Variants in GRM8 observed in about 807,000 individuals in gnomAD.
GRM8 encodes metabotropic glutamate receptor 8.
In GRM8, 47 loss-of-function variants were observed where a neutral mutation model predicts 87.2. That is an observed-to-expected ratio of 0.54 (90% CI 0.43 to 0.69). The LOEUF (loss-of-function observed/expected upper bound fraction) is 0.69. Ranked by LOEUF, GRM8 falls within the 30% of genes least tolerant of loss-of-function variation. GRM8 has a pLI of 0.00. For missense variants in GRM8, 1,019 were observed against 1,139.2 expected (o/e 0.89, Z 1.52); for synonymous variants, 396 against 404.5 (o/e 0.98, Z 0.25).
At chr7:126,833,845 C>T (rs1024652328) in intron 6 of GRM8, among the ~76,000 whole-genome samples, 1 of 152,144 alleles carries the variant, frequency 6.6e-6, no homozygotes, top group Non-Finnish European at 1.5e-5. Context: ...AGTAAAAATG[C>T]AGATTACTAA....
At chr7:127,204,477 T>TGATAAACA (rs2116582686) in intron 2 of GRM8, among the ~76,000 whole-genome samples, 1 of 152,252 alleles carries the variant, frequency 6.6e-6, no homozygotes, top group South Asian at 2.1e-4. Flanking sequence ...GTTCAGAGGG[T>TGATAAACA]GATAAACAGA....
intron 3 of GRM8, among the ~76,000 whole-genome samples, chr7:127,036,837 T>C (rs1267010897): frequency 1.3e-5 from 2 of 152,170 alleles, no homozygotes; most frequent in Non-Finnish European, 2.9e-5. Flanking sequence ...CCTACGGCAT[T>C]TTCAACTAAC....
intron 3 of GRM8, among the ~76,000 whole-genome samples, chr7:126,948,539 C>T (rs951895905): frequency 1.3e-5 from 2 of 151,068 alleles, no homozygotes; most frequent in Non-Finnish European, 2.9e-5. Context: ...GATGAAGGAG[C>T]CACTAAAAGA....
chr7:127,074,839 AT>A (rs1822096044), intron 3 of GRM8, among the ~76,000 whole-genome samples: 1 of 152,114 alleles, frequency 6.6e-6, no homozygotes, highest in African/African-American at 2.4e-5. Flanking sequence ...GGATAGTTGG[AT>A]TCACTGACAG....
chr7:126,995,783 G>A (rs1813124047), intron 3 of GRM8, among the ~76,000 whole-genome samples: 1 of 152,062 alleles, frequency 6.6e-6, no homozygotes, highest in African/African-American at 2.4e-5. Context: ...AGAAAGAGAT[G>A]AGGGTAGCAA....
rs749854945 is a variant in GRM8 at position 127,106,506 on chromosome 7, C to T, written c.717G>A (p.Ser239=). ...ESGVEAFTQI[S]REIGGVCIAQ... is the part of the protein sequence containing the mutation. The stretch of plus-strand genomic sequence containing the variant: ...TAAATATATGCTTACCAATCTCCCT[C>T]GAGATCTGGGTGAAGGCCTCCACAC... Residue 239 remains serine, a synonymous_variant, in exon 3 of 11, where the codon TCG becomes TCA. Transcript: ENST00000339582. 6.2e-6 allele frequency: 10 copies of T among 1,612,522 alleles called. No homozygotes were observed. Among genetic ancestry groups the T allele is most frequent in the East Asian group, 4.5e-5 (2 of 44,872 alleles).
At chr7:126,819,946 G>A (rs1004559178) in intron 6 of GRM8, among the ~76,000 whole-genome samples, 31 of 152,018 alleles carry the variant, frequency 2.0e-4, no homozygotes, top group African/African-American at 7.5e-4. Flanking sequence ...AATTTTATAG[G>A]TACACTGTCT....
chr7:126,621,356 T>C (rs1800153704), intron 7 of GRM8, among the ~76,000 whole-genome samples: 1 of 152,174 alleles, frequency 6.6e-6, no homozygotes, highest in Non-Finnish European at 1.5e-5. Flanking sequence ...TACTCAACAC[T>C]CAACATCCTG....
chr7:126,772,538 G>C (rs1818958557), intron 6 of GRM8, among the ~76,000 whole-genome samples: 2 of 152,056 alleles, frequency 1.3e-5, no homozygotes, highest in Admixed American at 1.3e-4. Context: ...AGATTCTGGT[G>C]CAACCAGCTG....
chr7:126,441,794 T>C (rs1462808627), intron 10 of GRM8, among the ~76,000 whole-genome samples: 1 of 65,548 alleles, frequency 1.5e-5, no homozygotes, highest in Non-Finnish European at 3.3e-5. Flanking sequence ...TTAACTCAGA[T>C]AGCCCTAAGA....
chr7:126,860,700 G>T (rs1586226044), intron 6 of GRM8, among the ~76,000 whole-genome samples: 2 of 152,114 alleles, frequency 1.3e-5, no homozygotes, highest in Admixed American at 1.3e-4. Context: ...TATGGAAACT[G>T]CAAGCATAAT....
At chr7:127,150,252 T>C (rs1003545706) in intron 2 of GRM8, among the ~76,000 whole-genome samples, 3 of 152,010 alleles carry the variant, frequency 2.0e-5, no homozygotes, top group Non-Finnish European at 4.4e-5. Flanking sequence ...AAATTCTGCC[T>C]CCTGGAAAAC....
intron 7 of GRM8, among the ~76,000 whole-genome samples, chr7:126,734,676 C>T (rs921263055): frequency 1.3e-5 from 2 of 151,748 alleles, no homozygotes; most frequent in African/African-American, 4.8e-5. Flanking sequence ...ATTAAAATGA[C>T]ATCATGAAAA....
At position 127,202,526 on chromosome 7, in the gene GRM8, T is replaced by C. The variant is rs140252409; in HGVS notation, c.510+40169A>G. On this transcript the variant is annotated intron_variant, in intron 2 of 10. Coordinates refer to ENST00000339582, the MANE Select transcript of GRM8 (RefSeq NM_000845.3). ...CTACGTATTTACAAATAAATATTGC[T>C]AATAGCTACCATCTATTGAATACCT... Among the ~76,000 whole-genome samples the C allele has an allele frequency of 4.9e-4, 75 of 152,372 alleles. 1 individual carries two copies. Among genetic ancestry groups the C allele is most frequent in the African/African-American group, 1.7e-3 (70 of 41,590 alleles).
intron 7 of GRM8, among the ~76,000 whole-genome samples, chr7:126,761,817 C>T (rs1300509274): frequency 6.6e-6 from 1 of 152,220 alleles, no homozygotes; most frequent in African/African-American, 2.4e-5. Context: ...ACTGCCTTCT[C>T]TGTCATGAAT....
intron 3 of GRM8, among the ~76,000 whole-genome samples, chr7:127,050,294 G>A (rs1453345609): frequency 6.6e-6 from 1 of 152,146 alleles, no homozygotes; most frequent in Non-Finnish European, 1.5e-5. Context: ...AGCAGGAGCT[G>A]ATAAGGAGCC....
intron 8 of GRM8, among the ~76,000 whole-genome samples, chr7:126,606,756 C>T (rs1798394193): frequency 6.6e-6 from 1 of 152,166 alleles, no homozygotes; most frequent in Non-Finnish European, 1.5e-5. Flanking sequence ...AAATAATTCT[C>T]ACAAATTGTT....
intron 7 of GRM8, among the ~76,000 whole-genome samples, chr7:126,695,367 T>G (rs1038986898): frequency 6.6e-6 from 1 of 152,158 alleles, no homozygotes; most frequent in African/African-American, 2.4e-5. Context: ...TGTTTCCAAA[T>G]AGCTCATAGC....
chr7:126,795,896 T>C (rs1404089623), intron 6 of GRM8, among the ~76,000 whole-genome samples: 1 of 150,720 alleles, frequency 6.6e-6, no homozygotes, highest in East Asian at 1.9e-4. Flanking sequence ...AGTTTCCCCA[T>C]TATGGTCACC....
Sources: gnomAD v4.1 joint callset for allele counts (sites outside exome capture counted in the v4.1 genomes callset) on GRCh38, gnomAD v4.1.1 for gene constraint, MANE v1.5 for transcripts, NCBI Gene and HGNC (gene_info 2026-07-23, HGNC 2026-07-21) for gene names.